SPRY4: variants seen among roughly 807,000 people sequenced by gnomAD.
The protein encoded by SPRY4 is sprouty RTK signaling antagonist 4, also known as protein sprouty homolog 4.
A neutral mutation model predicts 17.0 loss-of-function variants in SPRY4; 7 were observed. That is an observed-to-expected ratio of 0.41 (90% CI 0.23 to 0.77). The LOEUF (loss-of-function observed/expected upper bound fraction) is 0.77, where lower values mean the gene tolerates loss of function less well. Among genes scored for constraint, SPRY4 ranks in the 30% least tolerant of loss-of-function variants. The pLI is 0.32. For synonymous variants in SPRY4, 183 were observed against 174.1 expected, an observed-to-expected ratio of 1.05 and a Z score of -0.40; for missense variants, 435 against 419.9, an observed-to-expected ratio of 1.04 and a Z score of -0.31.
At chr5:142,324,059 G>T (rs1759441963) in intron 1 of SPRY4, 1 of 152,446 alleles carries the variant, frequency 6.6e-6, no homozygotes, top group Admixed American at 6.5e-5. Context: ...GCGGCCTGGG[G>T]GCTCCGGGGC....
Position 142,312,961 on chromosome 5 carries a change from T to C in SPRY4, c.*1248A>G, listed in dbSNP as rs1034750407. The C allele has an allele frequency of 6.6e-6, 1 of 152,566 alleles. No homozygotes were observed. The highest frequency in any genetic ancestry group is 2.4e-5 in the African/African-American group (1 of 41,426). The allele number at this position is 152,566 out of a possible 1,614,324, so 9.5% of individuals were successfully genotyped here. ...CTGCTGGGGCTTCCTAACACTAAAA[T>C]AGACTCTTTTTTCATCATCTCTCTA... is the stretch of plus-strand genomic sequence containing the variant. On this transcript the variant is annotated 3_prime_UTR_variant, in exon 2 of 2. Transcript: ENST00000434127.
chr5:142,322,483 AAT>A (rs751790052), intron 1 of SPRY4, among the ~76,000 whole-genome samples: 1,599 of 117,488 alleles, frequency 0.014, 43 homozygotes, highest in African/African-American at 0.041. Context: ...AAAAAAAAAA[AAT>A]ATATATATAT....
At chr5:142,323,692 G>A (rs188059139) in intron 1 of SPRY4, among the ~76,000 whole-genome samples, 114 of 152,222 alleles carry the variant, frequency 7.5e-4, no homozygotes, top group African/African-American at 2.4e-3. Context: ...CCCAATCAAG[G>A]AGAATTGAGA....
chr5:142,320,533 TTGGG>T (rs1759312077), intron 1 of SPRY4, among the ~76,000 whole-genome samples: 3 of 148,248 alleles, frequency 2.0e-5, no homozygotes, highest in East Asian at 4.0e-4. Flanking sequence ...TTGCTGGACT[TTGGG>T]CTTTGGGCTA....
In SPRY4 at chr5:142,311,615, C is replaced by G. The variant is rs1270939330; in HGVS notation, c.*2594G>C. On this transcript the variant is annotated 3_prime_UTR_variant, in exon 2 of 2. Transcript: ENST00000434127. ...TGTTGTTTTAATTTTTGCCAAGAAG[C>G]TGAGAAAAACAATGCTGAGGGATTG... The G allele has an allele frequency of 6.6e-6, 1 of 151,822 alleles. No homozygotes were observed. Among genetic ancestry groups the G allele is most frequent in the Non-Finnish European group, 1.5e-5 (1 of 68,036 alleles). 9.4% of individuals were successfully genotyped at this position (151,822 alleles called of 1,614,324 possible).
intron 1 of SPRY4, chr5:142,323,982 T>C: frequency 6.6e-6 from 1 of 152,160 alleles, no homozygotes; most frequent in Non-Finnish European, 1.5e-5. Context: ...ATTCGCAACC[T>C]CTTCCTCCAG....
intron 1 of SPRY4, among the ~76,000 whole-genome samples, chr5:142,323,417 C>G (rs569319458): frequency 1.3e-5 from 2 of 152,222 alleles, no homozygotes; most frequent in African/African-American, 2.4e-5. Context: ...TTGGGCACCC[C>G]ACTGTACACT....
rs558601714 is a variant in SPRY4 at position 142,314,395 on chromosome 5, C to A, written c.714G>T (p.Met238Ile). The A allele has an allele frequency of 1.2e-6, 2 of 1,613,978 alleles. No individual in the cohort carries two copies. The highest frequency in any genetic ancestry group is 1.7e-6 in the Non-Finnish European group (2 of 1,179,944). The change falls in exon 2 of 2, where the codon ATG becomes ATT. Residue 238 changes from methionine to isoleucine, a missense_variant. Met to Ile is a conservative substitution (Grantham distance 10). Transcript: ENST00000434127. The surrounding 1 kb of genome is among the most constrained non-coding windows in gnomAD (Gnocchi z 4.8). Reference protein sequence around the residue: ...RSNCCARWSFMGALSVVLPCL... With the variant: ...RSNCCARWSFIGALSVVLPCL... ...AGGGCAGCACCACGGAGAGAGCACCCATGAAGGACCAGCGGGCGCAGCAGT... is the reference window on the plus strand; with the variant it reads ...AGGGCAGCACCACGGAGAGAGCACCAATGAAGGACCAGCGGGCGCAGCAGT...
At chr5:142,316,744 T>G (rs1759166668) in intron 1 of SPRY4, among the ~76,000 whole-genome samples, 1 of 152,182 alleles carries the variant, frequency 6.6e-6, no homozygotes, top group South Asian at 2.1e-4. Context: ...TAAAAGTTTA[T>G]GAAGGGGATA....
rs1394960262 is a variant in SPRY4 at position 142,310,926 on chromosome 5, C to T, written c.*3283G>A. 3 of 151,114 alleles carry T rather than the reference C, an allele frequency of 2.0e-5. No individual in the cohort carries two copies. The highest frequency in any genetic ancestry group is 4.4e-5 in the Non-Finnish European group (3 of 67,700). The allele number at this position is 151,114 out of a possible 1,614,324, so 9.4% of individuals were successfully genotyped here. On this transcript the variant is annotated 3_prime_UTR_variant, in exon 2 of 2. Transcript: ENST00000434127. ...AGCTGTGCTGCCCACGCCCGCCAGA[C>T]ACTTCCTGGGACAGCACAGAAGGAG...
chr5:142,322,677 C>T (rs1045067391), intron 1 of SPRY4, among the ~76,000 whole-genome samples: 8 of 151,882 alleles, frequency 5.3e-5, no homozygotes, highest in Admixed American at 3.9e-4. Context: ...GGCAAGAGGG[C>T]ATTTACACTC....
chr5:142,314,908 G>C lies in SPRY4; in HGVS notation c.201C>G (p.Thr67=). 1 of 1,609,184 alleles carries C rather than the reference G, an allele frequency of 6.2e-7. No homozygotes were observed. Among genetic ancestry groups the C allele is most frequent in the Non-Finnish European group, 8.5e-7 (1 of 1,176,190 alleles). ...GGGCCAGCTCTGGGGCCCCGCCCCG[G>C]GTCCGCTTTGGGCCGGTGGTCAGGG... ...SLALTTGPKR[T]RGGAPELAPT... is the part of the protein sequence containing the mutation. The change falls in exon 2 of 2, where the codon ACC becomes ACG. Residue 67 remains threonine (T), a synonymous_variant. Transcript: ENST00000434127. This position sits in a 1 kb window ranked among gnomAD's most constrained non-coding sequence, Gnocchi z 4.8.
In SPRY4 at chr5:142,314,029, C is replaced by T; in HGVS notation, c.*180G>A. 1 of 663,546 alleles carries T rather than the reference C, an allele frequency of 1.5e-6. No individual in the cohort carries two copies. Among genetic ancestry groups the T allele is most frequent in the South Asian group, 2.1e-5 (1 of 47,518 alleles). The allele number at this position is 663,546 out of a possible 1,614,324, so 41.1% of individuals were successfully genotyped here. A position where few individuals can be genotyped will look rare whatever the true frequency, so the allele number is the denominator to read the frequency against. On this transcript the variant is annotated 3_prime_UTR_variant, in exon 2 of 2. Transcript: ENST00000434127. This position sits in a 1 kb window ranked among gnomAD's most constrained non-coding sequence, Gnocchi z 4.8. ...AAGCCCCAAAGTGCTTCTTCATCAC[C>T]TTGGGGAATACAGGGTACGTGGTGG...
At chr5:142,315,931 A>T (rs578237961) in intron 1 of SPRY4, 4 of 152,314 alleles carry the variant, frequency 2.6e-5, no homozygotes, top group African/African-American at 9.6e-5. Context: ...GGAGTTTATC[A>T]GCTGGATAAA....
Position 142,312,672 on chromosome 5 carries a change from C to A in SPRY4, c.*1537G>T, listed in dbSNP as rs1459705028. On this transcript the variant is annotated 3_prime_UTR_variant, in exon 2 of 2. Coordinates refer to ENST00000434127, the MANE Select transcript of SPRY4 (RefSeq NM_001127496.3). ...TCTCATTAGAGGGGAAAACAAAATA[C>A]CACACAAAGCAAGAACCCCACACAA... 6.6e-6 allele frequency: 1 copy of A among 152,242 alleles called. No homozygotes were observed. The highest frequency in any genetic ancestry group is 2.4e-5 in the African/African-American group (1 of 41,416). 9.4% of individuals were successfully genotyped at this position (152,242 alleles called of 1,614,324 possible).
In SPRY4 at chr5:142,317,815, A is replaced by G. The variant is rs1172485039; in HGVS notation, c.-47-2660T>C. ...GCAGGCAATGGGGATGTTGGCATTC[A>G]CAGGCTCCCATAACCCTCCAGAGGC... On this transcript the variant is annotated intron_variant, in intron 1 of 1. Transcript: ENST00000434127. 4 of 985,258 alleles carry G rather than the reference A, an allele frequency of 4.1e-6. No individual in the cohort carries two copies. In the South Asian group the frequency reaches 1.4e-4, roughly 35 times the overall value. 61.0% of individuals were successfully genotyped at this position (985,258 alleles called of 1,614,324 possible). A position where few individuals can be genotyped will look rare whatever the true frequency, so the allele number is the denominator to read the frequency against.
intron 1 of SPRY4, among the ~76,000 whole-genome samples, chr5:142,320,704 G>A (rs1206998292): frequency 6.6e-6 from 1 of 152,174 alleles, no homozygotes; most frequent in African/African-American, 2.4e-5. Context: ...GCCAAGTCCA[G>A]GTCTGGGTGG....
intron 1 of SPRY4, among the ~76,000 whole-genome samples, chr5:142,321,712 A>C (rs997632712): frequency 6.6e-6 from 1 of 152,272 alleles, no homozygotes. Context: ...ATTTAGAACC[A>C]AATGGAACAC....
chr5:142,320,608 C>A (rs1759314371), intron 1 of SPRY4, among the ~76,000 whole-genome samples: 1 of 152,098 alleles, frequency 6.6e-6, no homozygotes, highest in African/African-American at 2.4e-5. Context: ...GCTCAGATTC[C>A]CATAAAGAAG....
Sources: gnomAD v4.1 joint callset for allele counts (sites outside exome capture counted in the v4.1 genomes callset) on GRCh38, gnomAD v4.1.1 for gene constraint, Gnocchi (gnomAD v3.1) non-coding constraint, MANE v1.5 for transcripts, NCBI Gene and HGNC (gene_info 2026-07-23, HGNC 2026-07-21) for gene names.